Variants in FAH observed in about 807,000 individuals in gnomAD.
The protein encoded by FAH is fumarylacetoacetate hydrolase, also known as fumarylacetoacetase.
FAH carries 47 observed loss-of-function variants against 55.8 expected under a neutral mutation model. That is an observed-to-expected ratio of 0.84 (90% CI 0.67 to 1.07). FAH has a LOEUF of 1.07. Ranked by LOEUF, FAH falls within the 50% of genes least tolerant of loss-of-function variation. The probability of loss-of-function intolerance (pLI) is 0.00; values close to 1 mark genes in which losing one functional copy is unlikely to be tolerated. For synonymous variants in FAH, 199 were observed against 207.7 expected, an observed-to-expected ratio of 0.96 and a Z score of 0.36; for missense variants, 495 against 545.9, an observed-to-expected ratio of 0.91 and a Z score of 0.93.
At chr15:80,182,219 A>G (rs1305213831) in intron 13 of FAH, among the ~76,000 whole-genome samples, 2 of 152,056 alleles carry the variant, frequency 1.3e-5, no homozygotes, top group African/African-American at 2.4e-5. Flanking sequence ...TATAACACAC[A>G]TGTGATAGCA....
intron 2 of FAH, 64 bp downstream of exon 2, chr15:80,158,234 G>T (rs917220269): frequency 1.8e-6 from 2 of 1,107,872 alleles, no homozygotes; most frequent in African/African-American, 1.5e-5. Context: ...GCCAACAAGA[G>T]AATGCTCCTT....
rs768520008 is a variant in FAH at position 80,159,897 on chromosome 15, A to G, written c.314+20A>G. 6.2e-7 allele frequency: 1 copy of G among 1,612,982 alleles called. No individual in the cohort carries two copies. The highest frequency in any genetic ancestry group is 1.7e-5 in the Admixed American group (1 of 59,816). On this transcript the variant is annotated intron_variant, in intron 3 of 13. Coordinates refer to ENST00000561421, the MANE Select transcript of FAH (RefSeq NM_000137.4). ...GAAGTGGTGAGAAGCACGTGGTCATAGGGGGGATGAGGGGATGCAGCAGGG... is the reference window on the plus strand; with the variant it reads ...GAAGTGGTGAGAAGCACGTGGTCATGGGGGGGATGAGGGGATGCAGCAGGG...
At chr15:80,169,528 TG>T (rs1184233153) in intron 7 of FAH, among the ~76,000 whole-genome samples, 2 of 152,068 alleles carry the variant, frequency 1.3e-5, no homozygotes, top group Non-Finnish European at 2.9e-5. Flanking sequence ...TTTTTTGTTT[TG>T]TTTTGTTTTG....
chr15:80,179,514 G>A (rs2041311770), intron 11 of FAH, among the ~76,000 whole-genome samples: 1 of 152,142 alleles, frequency 6.6e-6, no homozygotes, highest in Non-Finnish European at 1.5e-5. Context: ...GGACAGGCAT[G>A]GGCGTGCATT....
chr15:80,174,396 A>T (rs543196663), intron 9 of FAH, among the ~76,000 whole-genome samples: 1 of 152,354 alleles, frequency 6.6e-6, no homozygotes, highest in East Asian at 1.9e-4. Context: ...CTCCCAGTTT[A>T]AACTTAATAT....
intron 10 of FAH, 74 bp downstream of exon 10, chr15:80,175,165 C>T: frequency 7.0e-7 from 1 of 1,422,994 alleles, no homozygotes; most frequent in Admixed American, 1.7e-5. Flanking sequence ...CCTGAAGGCT[C>T]CTGAGCTTTG....
Position 80,158,146 on chromosome 15 carries a change from CA to C in FAH, c.171del (p.Lys57AsnfsTer35). 1 of 1,613,748 alleles carries C rather than the reference CA, an allele frequency of 6.2e-7. No individual in the cohort carries two copies. The highest frequency in any genetic ancestry group is 8.5e-7 in the Non-Finnish European group (1 of 1,179,606). On this transcript the variant is annotated frameshift_variant, in exon 2 of 14. Coordinates refer to ENST00000561421, the MANE Select transcript of FAH (RefSeq NM_000137.4). LOFTEE classifies it high-confidence loss of function. ...ACCTCTTTACTGGTCCTGTCCTCTCCAAACACCAGGATGTCTTCAATCAGGT... is the reference window on the plus strand; with the variant it reads ...ACCTCTTTACTGGTCCTGTCCTCTCCAACACCAGGATGTCTTCAATCAGGT... ...KHLFTGPVLS[K>X]HQDVFNQPTL...
intron 8 of FAH, among the ~76,000 whole-genome samples, chr15:80,172,663 AGCC>A: frequency 6.6e-6 from 1 of 152,330 alleles, no homozygotes; most frequent in Admixed American, 6.5e-5. Flanking sequence ...CCAGCTTCTG[AGCC>A]TGAGCTCTCA....
chr15:80,169,358 G>C (rs2041221375), intron 7 of FAH, among the ~76,000 whole-genome samples: 1 of 151,966 alleles, frequency 6.6e-6, no homozygotes, highest in Admixed American at 6.6e-5. Context: ...ACTCCAGCCT[G>C]GGTGACAGAG....
chr15:80,186,677 C>CT (rs1279278341), downstream of FAH: 18 of 248,890 alleles, frequency 7.2e-5, no homozygotes, highest in African/African-American at 3.4e-4. Context: ...GGGTTGCTGG[C>CT]TGGAGACCCA....
At position 80,186,338 on chromosome 15, in the gene FAH, T is replaced by C. The variant is rs968507766; in HGVS notation, c.*129T>C. ...AATAAAGCCATTGTGCTCTGAGGCCTGCACTGCCGCAGATGCAGCTGTGTC... is the reference window on the plus strand; with the variant it reads ...AATAAAGCCATTGTGCTCTGAGGCCCGCACTGCCGCAGATGCAGCTGTGTC... On this transcript the variant is annotated 3_prime_UTR_variant, in exon 14 of 14. Transcript: ENST00000561421. The C allele has an allele frequency of 4.7e-5, 36 of 763,494 alleles. 1 individual carries two copies. Among genetic ancestry groups the C allele is most frequent in the South Asian group, 1.9e-4 (13 of 69,204 alleles). The allele number at this position is 763,494 out of a possible 1,614,324, so 47.3% of individuals were successfully genotyped here. A position where few individuals can be genotyped will look rare whatever the true frequency, so the allele number is the denominator to read the frequency against.
chr15:80,168,455 G>A, intron 7 of FAH, 139 bp downstream of exon 7: 1 of 791,512 alleles, frequency 1.3e-6, no homozygotes, highest in African/African-American at 1.7e-5. Context: ...GTCCCCACCT[G>A]GCCATCAGAA....
chr15:80,177,656 G>T (rs1027054226), intron 11 of FAH, 73 bp downstream of exon 11: 1 of 1,362,386 alleles, frequency 7.3e-7, no homozygotes, highest in East Asian at 2.3e-5. Context: ...GGCAGGAACA[G>T]GAGGAGAGCA....
rs2041253567 is a variant in FAH at position 80,172,996 on chromosome 15, T to C, written c.707-18T>C. 1 of 1,614,212 alleles carries C rather than the reference T, an allele frequency of 6.2e-7. No homozygotes were observed. The highest frequency in any genetic ancestry group is 2.2e-5 in the East Asian group (1 of 44,894). ...CTGATCAGCCTTTGTAAGTCCTGGC[T>C]GTGCCCTTCTTCTGCAGCACGAGAC... On this transcript the variant is annotated intron_variant, in intron 8 of 13. Transcript: ENST00000561421.
chr15:80,186,349 A>AGAT, downstream of FAH: 1 of 733,370 alleles, frequency 1.4e-6, no homozygotes, highest in Non-Finnish European at 2.5e-6. Flanking sequence ...GCACTGCCGC[A>AGAT]GATGCAGCTG....
chr15:80,158,053 C>G lies in FAH; in HGVS notation c.82-7C>G, dbSNP rs1567114291. On this transcript the variant is annotated splice_region_variant and splice_polypyrimidine_tract_variant and intron_variant, in intron 1 of 13. Coordinates refer to ENST00000561421, the MANE Select transcript of FAH (RefSeq NM_000137.4). ...TTCTGGTGCTGACGGTGTCGTCTTC[C>G]TCCTAGCCAAGACCGAGGATAGGTG... 1 of 1,609,182 alleles carries G rather than the reference C, an allele frequency of 6.2e-7. No individual in the cohort carries two copies. Among genetic ancestry groups the G allele is most frequent in the South Asian group, 1.1e-5 (1 of 90,972 alleles).
chr15:80,184,451 A>G (rs7177977), intron 13 of FAH, among the ~76,000 whole-genome samples: 111,979 of 151,838 alleles, frequency 0.74, 41,443 homozygotes, highest in East Asian at 0.87. Flanking sequence ...GTGTAGAAGC[A>G]GTGACCCTTC....
At chr15:80,179,978 GA>G in intron 11 of FAH, 145 bp from the exon 12 acceptor site, 1 of 694,696 alleles carries the variant, frequency 1.4e-6, no homozygotes, top group Non-Finnish European at 2.6e-6. Context: ...TACTATAAGG[GA>G]CTGGAGAGAG....
At chr15:80,180,452 C>T (rs1322857209) in intron 12 of FAH, 3 of 557,554 alleles carry the variant, frequency 5.4e-6, no homozygotes, top group South Asian at 2.0e-5. Context: ...GTCTCTGCCT[C>T]TGTAGGGGAG....
Sources: gnomAD v4.1 joint callset for allele counts (sites outside exome capture counted in the v4.1 genomes callset) on GRCh38, gnomAD v4.1.1 for gene constraint, MANE v1.5 for transcripts, NCBI Gene and HGNC (gene_info 2026-07-23, HGNC 2026-07-21) for gene names.